Variants in URI1 observed in about 807,000 individuals in gnomAD.
URI1 encodes the protein URI1 prefoldin like chaperone, also known as unconventional prefoldin RPB5 interactor 1.
A neutral mutation model predicts 60.2 loss-of-function variants in URI1; 39 were observed. That is an observed-to-expected ratio of 0.65 (90% CI 0.50 to 0.85). The LOEUF (loss-of-function observed/expected upper bound fraction) is 0.85. Among genes scored for constraint, URI1 ranks in the 40% least tolerant of loss-of-function variants. The probability of loss-of-function intolerance (pLI) is 0.00; values close to 1 mark genes in which losing one functional copy is unlikely to be tolerated. For missense variants in URI1, 691 were observed against 665.9 expected, an observed-to-expected ratio of 1.04 and a Z score of -0.42; for synonymous variants, 251 against 236.8, an observed-to-expected ratio of 1.06 and a Z score of -0.55.
Position 30,015,329 on chromosome 19 carries a change from ATTTTGAATTACTT to A in URI1, c.*263_*275del. Reference sequence around the variant, plus strand: ...TTTGCCTTTATGATGCAGTGGCAGCATTTTGAATTACTTTTCAAAGAATACTGTTCATATGCAT... The same window carrying A: ...TTTGCCTTTATGATGCAGTGGCAGCATTCAAAGAATACTGTTCATATGCAT... On this transcript the variant is annotated 3_prime_UTR_variant, in exon 11 of 11. Coordinates refer to ENST00000392271, the MANE Select transcript of URI1 (RefSeq NM_003796.3). 7.1e-7 allele frequency: 1 copy of A among 1,416,128 alleles called. No homozygotes were observed. Among genetic ancestry groups the A allele is most frequent in the Non-Finnish European group, 9.2e-7 (1 of 1,091,826 alleles). 87.7% of individuals were successfully genotyped at this position (1,416,128 alleles called of 1,614,324 possible).
In URI1 at chr19:30,009,359, T is replaced by C; in HGVS notation, c.1035+6T>C. ...ATACTGTTGAGCCTAAGAGGGTTTG[T>C]ATACTTTTAACTTTACTAATTTTGC... is the stretch of plus-strand genomic sequence containing the variant. On this transcript the variant is annotated splice_donor_region_variant and intron_variant, in intron 8 of 10. Transcript: ENST00000392271. 6.2e-7 allele frequency: 1 copy of C among 1,603,892 alleles called. No homozygotes were observed. The highest frequency in any genetic ancestry group is 8.5e-7 in the Non-Finnish European group (1 of 1,173,006).
chr19:29,995,736 TGA>T (rs1210210662), intron 4 of URI1, among the ~76,000 whole-genome samples: 11 of 152,140 alleles, frequency 7.2e-5, no homozygotes, highest in Middle Eastern at 3.4e-3. Flanking sequence ...TTTTTTTTTT[TGA>T]GTTTCCTAGA....
chr19:29,927,925 G>A (rs1407578518), intron 1 of URI1, among the ~76,000 whole-genome samples: 1 of 151,664 alleles, frequency 6.6e-6, no homozygotes, highest in Non-Finnish European at 1.5e-5. Context: ...TGCTTCTGAT[G>A]AGTAGAATGT....
chr19:29,943,020 C>G (rs2055052087), intron 1 of URI1, among the ~76,000 whole-genome samples: 1 of 152,130 alleles, frequency 6.6e-6, no homozygotes, highest in Non-Finnish European at 1.5e-5. Flanking sequence ...GTTTGTTGCT[C>G]TTTGATTGCA....
chr19:30,012,841 C>T (rs1209159010), intron 10 of URI1: 8 of 232,860 alleles, frequency 3.4e-5, no homozygotes, highest in Middle Eastern at 1.6e-3. Context: ...AATAAATTAC[C>T]AGTAGGTCAT....
intron 1 of URI1, chr19:29,956,284 T>G: frequency 2.7e-6 from 2 of 740,678 alleles, no homozygotes; most frequent in South Asian, 4.0e-5. Flanking sequence ...CCCAGAGTAG[T>G]CTTTTTTTTT....
intron 1 of URI1, among the ~76,000 whole-genome samples, chr19:29,937,222 G>T (rs898065260): frequency 6.6e-6 from 1 of 152,050 alleles, no homozygotes; most frequent in African/African-American, 2.4e-5. Context: ...TTTCTATTTT[G>T]TTCCTTTTTA....
chr19:29,927,135 G>A (rs1453365337), intron 1 of URI1, among the ~76,000 whole-genome samples: 1 of 152,202 alleles, frequency 6.6e-6, no homozygotes, highest in Non-Finnish European at 1.5e-5. Flanking sequence ...TCTTGGGCTG[G>A]GGGAGTGTAG....
intron 4 of URI1, among the ~76,000 whole-genome samples, chr19:29,986,697 A>G (rs2055674921): frequency 6.6e-6 from 1 of 152,358 alleles, no homozygotes; most frequent in Non-Finnish European, 1.5e-5. Flanking sequence ...AGTTGGGAAG[A>G]CATAAAAATT....
chr19:29,941,756 T>C (rs1421758476), upstream of URI1, among the ~76,000 whole-genome samples: 1 of 152,166 alleles, frequency 6.6e-6, no homozygotes, highest in Non-Finnish European at 1.5e-5. Context: ...TGTACAGTAA[T>C]TAATGAACAT....
intron 2 of URI1, among the ~76,000 whole-genome samples, chr19:29,980,624 A>C (rs2055582589): frequency 2.1e-5 from 3 of 145,728 alleles, no homozygotes; most frequent in Admixed American, 2.0e-4. Context: ...AAAAAAAAAA[A>C]AAAAAAAAAA....
At chr19:29,932,654 C>CTT (rs34146888) in intron 1 of URI1, among the ~76,000 whole-genome samples, 8,178 of 131,512 alleles carry the variant, frequency 0.062, 355 homozygotes, top group Non-Finnish European at 0.078. Flanking sequence ...CCCTTCATTC[C>CTT]TTTTTTTTTT....
intron 1 of URI1, among the ~76,000 whole-genome samples, chr19:29,926,291 C>CCTTCCTCCCT (rs1491264929): frequency 3.9e-5 from 5 of 127,246 alleles, no homozygotes; most frequent in South Asian, 2.6e-4. Context: ...TTCCTACCTT[C>CCTTCCTCCCT]TTTCCTTCAA....
rs1252084410 is a variant in URI1, at chr19:29,946,990, T to A, written c.117+4326T>A. Among the ~76,000 whole-genome samples the A allele has an allele frequency of 2.0e-5, 3 of 152,070 alleles. No homozygotes were observed. In the East Asian group the frequency reaches 5.8e-4, roughly 29 times the overall value. ...AGGAAGGTAAGAGGCGTGTAGAGAA[T>A]GAGGGATGTGAGTGGAGGGATGGTG... is the stretch of plus-strand genomic sequence containing the variant. On this transcript the variant is annotated intron_variant, in intron 1 of 10. Coordinates refer to ENST00000392271, the MANE Select transcript of URI1 (RefSeq NM_003796.3).
chr19:29,932,017 C>T (rs2054925346), intron 1 of URI1, among the ~76,000 whole-genome samples: 1 of 150,026 alleles, frequency 6.7e-6, no homozygotes, highest in Non-Finnish European at 1.5e-5. Context: ...AATATTACTT[C>T]TTCTTTTCTA....
chr19:29,981,260 C>T (rs973307247), intron 2 of URI1, among the ~76,000 whole-genome samples: 1 of 152,044 alleles, frequency 6.6e-6, no homozygotes, highest in Non-Finnish European at 1.5e-5. Context: ...TACCCTAATC[C>T]GTTAATCCAT....
At chr19:29,958,790 T>C (rs2055283660) in intron 1 of URI1, among the ~76,000 whole-genome samples, 1 of 151,974 alleles carries the variant, frequency 6.6e-6, no homozygotes, top group African/African-American at 2.4e-5. Context: ...TGAAACCCCA[T>C]CTCTACAAAA....
rs148593455 is a variant in URI1 at position 29,936,860 on chromosome 19, C to A, written c.63+13106C>A. On this transcript the variant is annotated intron_variant, in intron 1 of 10. Coordinates refer to the URI1 transcript ENST00000360605. The stretch of plus-strand genomic sequence containing the variant: ...CTCCTCCTTCTTGATTCAAGTGATT[C>A]TCTGGCCTCAGCCTCCCCAGCAGCT... Among the ~76,000 whole-genome samples the A allele has an allele frequency of 1.2e-3, 189 of 152,226 alleles. 1 individual carries two copies. Among genetic ancestry groups the A allele is most frequent in the Non-Finnish European group, 2.4e-3 (162 of 68,018 alleles).
intron 1 of URI1, among the ~76,000 whole-genome samples, chr19:29,957,531 A>G (rs2055264951): frequency 6.6e-6 from 1 of 152,034 alleles, no homozygotes; most frequent in African/African-American, 2.4e-5. Flanking sequence ...CACTCTTACT[A>G]TTTTAGCTTT....
Sources: gnomAD v4.1 joint callset for allele counts (sites outside exome capture counted in the v4.1 genomes callset) on GRCh38, gnomAD v4.1.1 for gene constraint, MANE v1.5 for transcripts, NCBI Gene and HGNC (gene_info 2026-07-23, HGNC 2026-07-21) for gene names.